Variants in ZMYM4 observed in about 807,000 individuals in gnomAD.
The protein encoded by ZMYM4 is zinc finger MYM-type containing 4, also known as zinc finger MYM-type protein 4.
ZMYM4 carries 31 observed loss-of-function variants against 183.2 expected under a neutral mutation model. That is an observed-to-expected ratio of 0.17 (90% CI 0.13 to 0.23). The LOEUF is 0.23. Ranked by LOEUF, ZMYM4 falls within the 10% of genes least tolerant of loss-of-function variation. The pLI is 1.00. For synonymous variants in ZMYM4, 592 were observed against 631.2 expected (o/e 0.94, Z 0.93); for missense variants, 1,273 against 1,840.3 (o/e 0.69, Z 5.64).
chr1:35,407,286 A>T (rs1168337627), intron 25 of ZMYM4, among the ~76,000 whole-genome samples: 1 of 152,040 alleles, frequency 6.6e-6, no homozygotes, highest in Non-Finnish European at 1.5e-5. Context: ...ATACAAAATT[A>T]TCTGGGCATG....
At position 35,319,894 on chromosome 1, in the gene ZMYM4, A is replaced by C. The variant is rs532594127; in HGVS notation, c.40-5466A>C. Among the ~76,000 whole-genome samples, 7 of 152,330 alleles carry C rather than the reference A, an allele frequency of 4.6e-5. No individual in the cohort carries two copies. The South Asian group carries it at 1.5e-3, about 32-fold the overall frequency. ...AAATTTAAAGTACACTCTATGGTTA[A>C]GTTTTTTAAATAAACAAGTTTCAAA... is the stretch of plus-strand genomic sequence containing the variant. On this transcript the variant is annotated intron_variant, in intron 1 of 29. Transcript: ENST00000314607.
intron 2 of ZMYM4, 132 bp from the exon 3 acceptor site, chr1:35,358,793 G>T (rs1223289936): frequency 1.3e-6 from 1 of 774,268 alleles, no homozygotes; most frequent in East Asian, 2.7e-5. Flanking sequence ...ATATCAAAGT[G>T]TTAAATGAAT....
chr1:35,269,043 C>G lies in ZMYM4; in HGVS notation c.-4C>G. On this transcript the variant is annotated 5_prime_UTR_variant, in exon 1 of 30. Transcript: ENST00000314607. ...AGCCGCAGCGGTTCCGAGCGGGGCCCAACATGGCGGAGAGAGAGGTGGAGT... is the reference window on the plus strand; with the variant it reads ...AGCCGCAGCGGTTCCGAGCGGGGCCGAACATGGCGGAGAGAGAGGTGGAGT... 6.5e-7 allele frequency: 1 copy of G among 1,546,716 alleles called. No homozygotes were observed. The highest frequency in any genetic ancestry group is 8.7e-7 in the Non-Finnish European group (1 of 1,145,630).
chr1:35,291,556 A>G (rs1292771578), intron 1 of ZMYM4, among the ~76,000 whole-genome samples: 1 of 151,320 alleles, frequency 6.6e-6, no homozygotes. Flanking sequence ...TTCAAGAACC[A>G]GCTTTTTCTT....
intron 2 of ZMYM4, among the ~76,000 whole-genome samples, 178 bp downstream of exon 2, chr1:35,325,583 A>T (rs1642469930): frequency 6.6e-6 from 1 of 151,956 alleles, no homozygotes; most frequent in Admixed American, 6.6e-5. Context: ...GAATTGTAAG[A>T]ATCTTATTCT....
chr1:35,372,884 G>A (rs763217105), intron 7 of ZMYM4, among the ~76,000 whole-genome samples: 11 of 152,288 alleles, frequency 7.2e-5, no homozygotes, highest in East Asian at 1.9e-4. Context: ...GTGGCTGGGC[G>A]TGGTGGCTTG....
chr1:35,390,163 A>G, intron 15 of ZMYM4, 65 bp downstream of exon 15: 1 of 1,531,060 alleles, frequency 6.5e-7, no homozygotes, highest in Non-Finnish European at 8.9e-7. Context: ...GTTCTTTTAC[A>G]GATCAGGAAC....
intron 1 of ZMYM4, among the ~76,000 whole-genome samples, chr1:35,291,964 T>C (rs1291243277): frequency 6.6e-6 from 1 of 152,116 alleles, no homozygotes; most frequent in Admixed American, 6.6e-5. Flanking sequence ...AGGCCCTTTT[T>C]GCACCACATT....
intron 23 of ZMYM4, 92 bp from the exon 24 acceptor site, chr1:35,404,931 A>G: frequency 1.6e-6 from 2 of 1,281,794 alleles, no homozygotes; most frequent in South Asian, 1.8e-5. Flanking sequence ...TCTTTATTCT[A>G]CAAATGTATA....
intron 5 of ZMYM4, chr1:35,366,170 A>G (rs1396488759): frequency 6.6e-6 from 1 of 152,238 alleles, no homozygotes; most frequent in Non-Finnish European, 1.5e-5. Flanking sequence ...AAATCTTTTA[A>G]TACATATATT....
chr1:35,301,231 G>A (rs1393646001), intron 1 of ZMYM4, among the ~76,000 whole-genome samples: 1 of 152,140 alleles, frequency 6.6e-6, no homozygotes, highest in African/African-American at 2.4e-5. Context: ...TGCCCCATGT[G>A]ATACCCCATG....
At chr1:35,350,907 A>G in intron 2 of ZMYM4, 1 of 631,152 alleles carries the variant, frequency 1.6e-6, no homozygotes, top group South Asian at 1.9e-5. Context: ...CATTTGTCAG[A>G]TTGCTTATGC....
chr1:35,401,844 C>T (rs752463932), intron 23 of ZMYM4, among the ~76,000 whole-genome samples: 1 of 152,158 alleles, frequency 6.6e-6, no homozygotes, highest in Non-Finnish European at 1.5e-5. Context: ...TGTTCCAGCA[C>T]TGCCCTTGAA....
Position 35,361,225 on chromosome 1 carries a change from T to C in ZMYM4, c.639T>C (p.His213=), listed in dbSNP as rs2148909768. The change falls in exon 4 of 30, where the codon CAT becomes CAC. Residue 213 remains histidine, a synonymous_variant. Coordinates refer to ENST00000314607, the MANE Select transcript of ZMYM4 (RefSeq NM_005095.3). ...ANQVEETLHT[H]LPQTPETNFR... ...AAGTTGAAGAAACATTACATACCCA[T>C]TTACCACAAACCCCAGAAACAAACT... 1.2e-6 allele frequency: 2 copies of C among 1,606,680 alleles called. No homozygotes were observed. The highest frequency in any genetic ancestry group is 1.7e-6 in the Non-Finnish European group (2 of 1,177,114).
intron 27 of ZMYM4, 56 bp downstream of exon 27, chr1:35,414,139 T>G: frequency 1.8e-6 from 2 of 1,095,938 alleles, no homozygotes; most frequent in South Asian, 2.8e-5. Context: ...ATTGCTTAAC[T>G]TTTTTGGTTA....
intron 23 of ZMYM4, among the ~76,000 whole-genome samples, chr1:35,404,099 C>T (rs190160204): frequency 6.6e-6 from 1 of 152,290 alleles, no homozygotes; most frequent in Non-Finnish European, 1.5e-5. Flanking sequence ...GGTCTCCACT[C>T]AGTCACCCAG....
At position 35,394,617 on chromosome 1, in the gene ZMYM4, C is replaced by G. The variant is rs146489438; in HGVS notation, c.2911+878C>G. ...GCTGAATTGAGCTGGGGGGATAAAG[C>G]CTGTGATGGCTGAAATGTCACAGAC... On this transcript the variant is annotated intron_variant, in intron 18 of 29. Coordinates refer to ENST00000314607, the MANE Select transcript of ZMYM4 (RefSeq NM_005095.3). 1.6e-3 allele frequency among the ~76,000 whole-genome samples: 245 copies of G among 152,180 alleles called. 7 individuals carry two copies. In the East Asian group the frequency reaches 0.04, roughly 25 times the overall value.
chr1:35,420,364 A>T lies in ZMYM4; in HGVS notation c.*687A>T, dbSNP rs1640284776. On this transcript the variant is annotated 3_prime_UTR_variant, in exon 30 of 30. Transcript: ENST00000314607. ...CTCAGCGGTGGGTCTGGATGTGGGT[A>T]AACTAAGGTAAAGGGGATGATATTC... 1 of 152,702 alleles carries T rather than the reference A, an allele frequency of 6.5e-6. No individual in the cohort carries two copies. Among genetic ancestry groups the T allele is most frequent in the Non-Finnish European group, 1.5e-5 (1 of 68,270 alleles). The allele number at this position is 152,702 out of a possible 1,614,324, so 9.5% of individuals were successfully genotyped here. A position where few individuals can be genotyped will look rare whatever the true frequency, so the allele number is the denominator to read the frequency against.
intron 1 of ZMYM4, among the ~76,000 whole-genome samples, chr1:35,299,713 G>A (rs920859500): frequency 1.1e-4 from 16 of 152,136 alleles, no homozygotes; most frequent in Admixed American, 6.5e-4. Flanking sequence ...AAAGGCTAAA[G>A]TGAAGTTACA....
Sources: allele counts gnomAD v4.1 joint callset (sites outside exome capture counted in the v4.1 genomes callset), GRCh38; gene constraint gnomAD v4.1.1; transcripts MANE v1.5; gene names NCBI Gene and HGNC (gene_info 2026-07-23, HGNC 2026-07-21).